Variants in RASA3 observed in about 807,000 individuals in gnomAD.
RASA3 encodes the protein ras GTPase-activating protein 3.
RASA3 carries 73 observed loss-of-function variants against 110.0 expected under a neutral mutation model. The observed-to-expected ratio is 0.66, with a 90% CI of 0.55 to 0.81. RASA3 has a LOEUF of 0.81. Among genes scored for constraint, RASA3 ranks in the 30% least tolerant of loss-of-function variants. The pLI, the probability that RASA3 is intolerant of heterozygous loss-of-function variation, is 0.00. For synonymous variants in RASA3, 500 were observed against 451.4 expected (o/e 1.11, Z -1.37); for missense variants, 976 against 1,113.2 (o/e 0.88, Z 1.75).
At chr13:114,118,234 G>A (rs1398107016) in intron 1 of RASA3, among the ~76,000 whole-genome samples, 3 of 152,042 alleles carry the variant, frequency 2.0e-5, no homozygotes, top group Admixed American at 6.5e-5. Context: ...CCAGTTCATG[G>A]CTCCCGACGA....
In RASA3 at chr13:114,040,996, T is replaced by A. The variant is rs1234015619; in HGVS notation, c.372+4A>T. On this transcript the variant is annotated splice_donor_region_variant and intron_variant, in intron 4 of 23. Coordinates refer to ENST00000334062, the MANE Select transcript of RASA3 (RefSeq NM_007368.4). ...GGTTTCCGGGGCTGCGCCGAGAGTC[T>A]CACCTGCACTTCCGAGTCAGCGTCC... 6.2e-7 allele frequency: 1 copy of A among 1,613,406 alleles called. No individual in the cohort carries two copies. Among genetic ancestry groups the A allele is most frequent in the South Asian group, 1.1e-5 (1 of 91,066 alleles).
intron 1 of RASA3, chr13:114,078,038 G>A (rs1447729586): frequency 3.1e-6 from 3 of 967,238 alleles, no homozygotes; most frequent in African/African-American, 1.8e-5. Flanking sequence ...TTGCTATGAC[G>A]ACAGCAACAC....
In RASA3 at chr13:114,057,339, C is replaced by G. The variant is rs2079262998; in HGVS notation, c.174-5184G>C. The stretch of plus-strand genomic sequence containing the variant: ...GCTCTGAGCCACCAACCACTGTGAC[C>G]AAGCTTCATTCCCACGAGCTGGACG... On this transcript the variant is annotated intron_variant, in intron 2 of 23. Coordinates refer to ENST00000334062, the MANE Select transcript of RASA3 (RefSeq NM_007368.4). The surrounding 1 kb of genome is among the most constrained non-coding windows in gnomAD (Gnocchi z 5.0). 1.0e-6 allele frequency: 1 copy of G among 985,282 alleles called. No individual in the cohort carries two copies. Among genetic ancestry groups the G allele is most frequent in the African/African-American group, 1.7e-5 (1 of 57,230 alleles). 61.0% of individuals were successfully genotyped at this position (985,282 alleles called of 1,614,324 possible).
chr13:113,982,808 A>G (rs1170875477), intron 22 of RASA3, among the ~76,000 whole-genome samples: 1 of 152,212 alleles, frequency 6.6e-6, no homozygotes, highest in African/African-American at 2.4e-5. Context: ...AGAAGACACC[A>G]AGGAAGCTGG....
chr13:114,054,466 T>C (rs1201013847), intron 2 of RASA3, among the ~76,000 whole-genome samples: 1 of 152,074 alleles, frequency 6.6e-6, no homozygotes, highest in Non-Finnish European at 1.5e-5. Flanking sequence ...AGAGTCCAGG[T>C]GGGAGGGGCC....
chr13:114,059,519 C>T (rs1315142250), intron 2 of RASA3, among the ~76,000 whole-genome samples: 1 of 152,258 alleles, frequency 6.6e-6, no homozygotes, highest in Non-Finnish European at 1.5e-5. Flanking sequence ...CACGTTTCAA[C>T]GCTGCCTTGC....
intron 2 of RASA3, among the ~76,000 whole-genome samples, chr13:114,062,188 G>GTTT (rs56360014): frequency 1.7e-4 from 25 of 148,786 alleles, no homozygotes; most frequent in South Asian, 4.2e-4. Context: ...TTTCCTGTGG[G>GTTT]TTTTTTTTTT....
At chr13:114,116,831 GA>G (rs1250323230) in intron 1 of RASA3, among the ~76,000 whole-genome samples, 14 of 141,850 alleles carry the variant, frequency 9.9e-5, no homozygotes, top group Non-Finnish European at 1.8e-4. Context: ...GCACGTGTGT[GA>G]GGGGTGCATC....
chr13:114,110,798 C>T (rs928314116), intron 1 of RASA3, among the ~76,000 whole-genome samples: 8 of 152,202 alleles, frequency 5.3e-5, no homozygotes, highest in African/African-American at 1.7e-4. Flanking sequence ...CACACCCATC[C>T]GGACACCGGC....
intron 1 of RASA3, among the ~76,000 whole-genome samples, chr13:114,079,984 C>G (rs57639799): frequency 0.19 from 28,722 of 152,232 alleles, 2,959 homozygotes; most frequent in South Asian, 0.25. Flanking sequence ...CCCACGACCC[C>G]TGGCAACACA....
chr13:114,040,076 C>T (rs562867344), intron 4 of RASA3, among the ~76,000 whole-genome samples: 3 of 152,392 alleles, frequency 2.0e-5, no homozygotes, highest in South Asian at 2.1e-4. Flanking sequence ...GCCTCAATGA[C>T]GCGTGCCTGT....
At chr13:114,120,107 G>T (rs1225205091) in intron 1 of RASA3, among the ~76,000 whole-genome samples, 1 of 52,358 alleles carries the variant, frequency 1.9e-5, no homozygotes. Flanking sequence ...CGTCGATCAG[G>T]GCCCCCCTCC....
chr13:114,112,170 AAAGAG>A lies in RASA3; in HGVS notation c.55+20260_55+20264del, dbSNP rs67296582. On this transcript the variant is annotated intron_variant, in intron 1 of 23. Transcript: ENST00000334062. This position sits in a 1 kb window ranked among gnomAD's most constrained non-coding sequence, Gnocchi z 4.8. ...TCAGATGGATTTAGTGATAGCAAAT[AAAGAG>A]AAGGAGAACAAAACCCTCAGCCAGG... Among the ~76,000 whole-genome samples, 55,417 of 151,180 alleles carry A rather than the reference AAAGAG, an allele frequency of 0.37. 10,572 individuals are homozygous for A. Among genetic ancestry groups the A allele is most frequent in the Non-Finnish European group, 0.42 (28,459 of 67,652 alleles).
At chr13:114,052,993 C>T (rs9590541) in intron 2 of RASA3, among the ~76,000 whole-genome samples, 19 of 79,492 alleles carry the variant, frequency 2.4e-4, no homozygotes, top group South Asian at 6.8e-4. Flanking sequence ...GTAGAGTCCT[C>T]GCTCCTGGGG....
At position 114,014,488 on chromosome 13, in the gene RASA3, G is replaced by C. The variant is rs772123366; in HGVS notation, c.1405+721C>G. 1.3e-5 allele frequency among the ~76,000 whole-genome samples: 2 copies of C among 152,186 alleles called. No homozygotes were observed. The highest frequency in any genetic ancestry group is 2.9e-5 in the Non-Finnish European group (2 of 68,022). On this transcript the variant is annotated intron_variant, in intron 14 of 23. Coordinates refer to ENST00000334062, the MANE Select transcript of RASA3 (RefSeq NM_007368.4). The surrounding 1 kb of genome is among the most constrained non-coding windows in gnomAD (Gnocchi z 4.5). Reference sequence around the variant, plus strand: ...CCCGGGGTGTCTGCAGCTGTCCCGAGGCCACAGGACACGCAAGGAAGAGAG... The same window carrying C: ...CCCGGGGTGTCTGCAGCTGTCCCGACGCCACAGGACACGCAAGGAAGAGAG...
intron 3 of RASA3, among the ~76,000 whole-genome samples, chr13:114,051,737 C>A (rs576996011): frequency 4.6e-5 from 7 of 152,166 alleles, no homozygotes; most frequent in East Asian, 1.9e-4. Flanking sequence ...AAGGTCCCCC[C>A]ACAGATGCCC....
intron 1 of RASA3, among the ~76,000 whole-genome samples, chr13:114,097,453 T>A (rs961365806): frequency 1.3e-5 from 2 of 152,204 alleles, no homozygotes; most frequent in Non-Finnish European, 2.9e-5. Flanking sequence ...CGCTGCTACA[T>A]GAGACAGAAC....
intron 1 of RASA3, among the ~76,000 whole-genome samples, chr13:114,083,463 C>G (rs949294506): frequency 2.6e-5 from 4 of 152,388 alleles, no homozygotes; most frequent in East Asian, 1.9e-4. Context: ...CCCAGCCAGA[C>G]AGCCTGGAGC....
chr13:114,054,992 G>A (rs1056109433), intron 2 of RASA3, among the ~76,000 whole-genome samples: 4 of 143,262 alleles, frequency 2.8e-5, no homozygotes, highest in Non-Finnish European at 4.7e-5. Context: ...GTGTGTGCAC[G>A]TGTGTGCCCA....
Sources: allele counts gnomAD v4.1 joint callset (sites outside exome capture counted in the v4.1 genomes callset), GRCh38; gene constraint gnomAD v4.1.1; non-coding constraint Gnocchi (gnomAD v3.1); transcripts MANE v1.5; gene names NCBI Gene and HGNC (gene_info 2026-07-23, HGNC 2026-07-21).